The following RALYL variants were observed in gnomAD, a reference collection of about 807,000 sequenced individuals.
The protein encoded by RALYL is RALY RNA binding protein like.
Under a neutral mutation model 35.1 loss-of-function variants are expected in RALYL, and 29 were observed. The observed-to-expected ratio is 0.83, with a 90% CI of 0.61 to 1.13. RALYL has a LOEUF of 1.13. RALYL is among the 50% of genes most tolerant of loss of function. RALYL has a pLI of 0.00. For missense variants in RALYL, 359 were observed against 360.4 expected (o/e 1.00, Z 0.03); for synonymous variants, 120 against 127.6 (o/e 0.94, Z 0.40).
chr8:84,401,850 T>G (rs2042952058), intron 1 of RALYL, among the ~76,000 whole-genome samples: 1 of 151,770 alleles, frequency 6.6e-6, no homozygotes, highest in South Asian at 2.1e-4. Flanking sequence ...GATAAGGACT[T>G]TAATTTCTGG....
chr8:84,613,442 C>T (rs1818751687), intron 2 of RALYL, among the ~76,000 whole-genome samples: 3 of 151,468 alleles, frequency 2.0e-5, no homozygotes. Flanking sequence ...ATAGAATCCA[C>T]CGGATGTTGA....
At chr8:84,831,187 T>A (rs1387049803) in intron 4 of RALYL, among the ~76,000 whole-genome samples, 1 of 152,150 alleles carries the variant, frequency 6.6e-6, no homozygotes, top group Admixed American at 6.5e-5. Flanking sequence ...ATTCATTGAT[T>A]TTTCTAAATG....
intron 8 of RALYL, among the ~76,000 whole-genome samples, chr8:84,898,829 T>C (rs1020037617): frequency 6.6e-6 from 1 of 152,176 alleles, no homozygotes; most frequent in African/African-American, 2.4e-5. Flanking sequence ...TCTGGAAACC[T>C]TCCTGAAATT....
intron 6 of RALYL, chr8:84,872,366 T>C (rs1353249754): frequency 6.6e-6 from 1 of 152,164 alleles, no homozygotes; most frequent in African/African-American, 2.4e-5. Flanking sequence ...GAGAAGTTGA[T>C]AAAATTGAAA....
chr8:84,584,082 G>A (rs1228099347), intron 2 of RALYL, among the ~76,000 whole-genome samples: 2 of 152,058 alleles, frequency 1.3e-5, no homozygotes, highest in African/African-American at 4.8e-5. Context: ...ATCCCCTCAA[G>A]TATTTATTTT....
intron 1 of RALYL, among the ~76,000 whole-genome samples, chr8:84,255,455 C>G (rs1451647801): frequency 2.6e-5 from 4 of 152,158 alleles, no homozygotes; most frequent in East Asian, 3.9e-4. Context: ...AATATGTGAA[C>G]TGGGTAAGTT....
At chr8:84,719,356 G>A (rs1843476821) in intron 2 of RALYL, among the ~76,000 whole-genome samples, 2 of 152,130 alleles carry the variant, frequency 1.3e-5, no homozygotes, top group African/African-American at 4.8e-5. Context: ...GGCTGTTTGT[G>A]AACTATCTCT....
intron 1 of RALYL, among the ~76,000 whole-genome samples, chr8:84,417,113 C>CAA (rs1271233195): frequency 9.4e-6 from 1 of 105,838 alleles, no homozygotes; most frequent in Non-Finnish European, 1.9e-5. Context: ...GGAATTAGAA[C>CAA]AAAAAAAAAA....
intron 1 of RALYL, among the ~76,000 whole-genome samples, chr8:84,406,693 C>T (rs1230000590): frequency 6.6e-6 from 1 of 151,832 alleles, no homozygotes; most frequent in African/African-American, 2.4e-5. Flanking sequence ...GGAAACATTT[C>T]GACTACCATG....
intron 7 of RALYL, among the ~76,000 whole-genome samples, chr8:84,886,852 T>C (rs1375360840): frequency 6.6e-6 from 1 of 152,208 alleles, no homozygotes; most frequent in Admixed American, 6.5e-5. Context: ...TGATTCACTA[T>C]ACCAAACCCT....
At chr8:84,295,296 C>T (rs11777248) in intron 1 of RALYL, among the ~76,000 whole-genome samples, 51 of 152,184 alleles carry the variant, frequency 3.4e-4, no homozygotes, top group Non-Finnish European at 6.3e-4. Flanking sequence ...GAGTCAATGC[C>T]TGTTGATGTT....
intron 1 of RALYL, among the ~76,000 whole-genome samples, chr8:84,497,564 GT>G (rs1165976694): frequency 2.0e-5 from 3 of 147,886 alleles, no homozygotes; most frequent in African/African-American, 5.0e-5. Flanking sequence ...TTAACAATAT[GT>G]TTTTTTCATA....
chr8:84,372,401 A>G (rs895958952), intron 1 of RALYL, among the ~76,000 whole-genome samples: 3 of 152,060 alleles, frequency 2.0e-5, no homozygotes, highest in Admixed American at 6.6e-5. Context: ...AATAGTTCAA[A>G]ATCTATTCTG....
chr8:84,505,290 T>C (rs1248747636), intron 1 of RALYL, among the ~76,000 whole-genome samples: 1 of 152,188 alleles, frequency 6.6e-6, no homozygotes, highest in African/African-American at 2.4e-5. Flanking sequence ...GCCTTAAAAT[T>C]TGATACCTTC....
At chr8:84,857,666 C>T (rs1040945984) in intron 5 of RALYL, among the ~76,000 whole-genome samples, 6 of 151,928 alleles carry the variant, frequency 3.9e-5, no homozygotes, top group African/African-American at 7.3e-5. Context: ...ATAAACATTA[C>T]GAAGACCATT....
At chr8:84,878,842 GAA>G (rs2135324861) in intron 7 of RALYL, among the ~76,000 whole-genome samples, 1 of 152,162 alleles carries the variant, frequency 6.6e-6, no homozygotes, top group African/African-American at 2.4e-5. Flanking sequence ...ATTACACGAT[GAA>G]TATCTGAATA....
intron 1 of RALYL, among the ~76,000 whole-genome samples, chr8:84,462,113 G>A (rs2050860150): frequency 6.7e-6 from 1 of 148,382 alleles, no homozygotes; most frequent in Non-Finnish European, 1.5e-5. Context: ...GGTGTAATCA[G>A]TTTTTTTTTT....
At chr8:84,802,140 A>C (rs1194979250) in intron 3 of RALYL, among the ~76,000 whole-genome samples, 1 of 152,184 alleles carries the variant, frequency 6.6e-6, no homozygotes, top group East Asian at 1.9e-4. Flanking sequence ...AGCACAAAGC[A>C]GCCTTAAACA....
chr8:84,286,668 A>G (rs1376713644), intron 1 of RALYL, among the ~76,000 whole-genome samples: 1 of 152,206 alleles, frequency 6.6e-6, no homozygotes, highest in African/African-American at 2.4e-5. Context: ...TATTGGTATG[A>G]TCTAGAAAGG....
Sources: allele counts gnomAD v4.1 joint callset (sites outside exome capture counted in the v4.1 genomes callset), GRCh38; gene constraint gnomAD v4.1.1; transcripts MANE v1.5; gene names NCBI Gene and HGNC (gene_info 2026-07-23, HGNC 2026-07-21).